FANCL: variants seen among roughly 807,000 people sequenced by gnomAD.
The protein encoded by FANCL is E3 ubiquitin-protein ligase FANCL.
In FANCL, 69 loss-of-function variants were observed where a neutral mutation model predicts 59.4. That is an observed-to-expected ratio of 1.16 (90% CI 0.96 to 1.42). The LOEUF (loss-of-function observed/expected upper bound fraction) is 1.42. FANCL is among the 40% of genes most tolerant of loss of function. The pLI is 0.00. For missense variants in FANCL, 519 were observed against 447.2 expected (o/e 1.16, Z -1.45); for synonymous variants, 180 against 147.1 (o/e 1.22, Z -1.62).
intron 5 of FANCL, among the ~76,000 whole-genome samples, chr2:58,206,833 A>G (rs1690635272): frequency 6.6e-6 from 1 of 152,204 alleles, no homozygotes; most frequent in Non-Finnish European, 1.5e-5. Context: ...GCCATTTAAA[A>G]TCAAGGTACA....
chr2:58,234,712 GA>G (rs1160859578), intron 1 of FANCL, among the ~76,000 whole-genome samples: 2 of 151,780 alleles, frequency 1.3e-5, no homozygotes, highest in African/African-American at 4.8e-5. Context: ...TTCAAAATAA[GA>G]AAAAAGTCCA....
chr2:58,165,943 A>T, intron 7 of FANCL, 69 bp from the exon 8 acceptor site: 1 of 1,498,882 alleles, frequency 6.7e-7, no homozygotes, highest in Non-Finnish European at 9.2e-7. Context: ...TTTTACTTAA[A>T]ATACACTCAA....
Position 58,222,036 on chromosome 2 carries a change from C to T in FANCL, c.280G>A (p.Ala94Thr), listed in dbSNP as rs759396046. 7 of 1,611,760 alleles carry T rather than the reference C, an allele frequency of 4.3e-6. No homozygotes were observed. Among genetic ancestry groups the T allele is most frequent in the Non-Finnish European group, 5.9e-6 (7 of 1,178,228 alleles). ...MMELKMLLEV[A>T]LKNRQELYAL... ...TACAGCTCTTGTCTATTCTTTAAGG[C>T]AACTTCCTGTTTAAAAGAAGAAAAC... Residue 94 changes from alanine (A) to threonine (T), a missense_variant, in exon 5 of 14, where the codon GCC (alanine) becomes ACC (threonine). Coordinates refer to ENST00000233741, the MANE Select transcript of FANCL (RefSeq NM_018062.4).
intron 10 of FANCL, 33 bp from the exon 11 acceptor site, chr2:58,162,980 A>C (rs772128300): frequency 1.2e-6 from 2 of 1,612,350 alleles, no homozygotes; most frequent in South Asian, 2.2e-5. Context: ...TATGCTGTGA[A>C]CTTTGTAAAA....
intron 3 of FANCL, among the ~76,000 whole-genome samples, chr2:58,228,347 A>T (rs976568981): frequency 4.6e-5 from 7 of 152,258 alleles, no homozygotes; most frequent in African/African-American, 1.7e-4. Context: ...CATATGATTC[A>T]CATCTTAACA....
intron 3 of FANCL, among the ~76,000 whole-genome samples, chr2:58,227,684 A>G (rs1357171391): frequency 2.6e-5 from 4 of 152,002 alleles, no homozygotes; most frequent in Admixed American, 2.0e-4. Flanking sequence ...TGTGCCTGCT[A>G]GGGTCTCGGG....
At chr2:58,166,447 A>G (rs1175825189) in intron 7 of FANCL, among the ~76,000 whole-genome samples, 1 of 152,232 alleles carries the variant, frequency 6.6e-6, no homozygotes, top group African/African-American at 2.4e-5. Context: ...TTTAACTTTT[A>G]GCCAATCTCT....
chr2:58,227,156 T>C (rs976366552), intron 3 of FANCL, among the ~76,000 whole-genome samples: 6 of 152,130 alleles, frequency 3.9e-5, no homozygotes, highest in African/African-American at 1.4e-4. Flanking sequence ...TAGGGGAGCA[T>C]ACAGACGGGC....
At chr2:58,232,381 A>C (rs1356547050) in intron 1 of FANCL, among the ~76,000 whole-genome samples, 1 of 152,092 alleles carries the variant, frequency 6.6e-6, no homozygotes. Flanking sequence ...AGTCACTCAC[A>C]AACACAAGAA....
At chr2:58,202,351 G>T (rs1690127151) in intron 6 of FANCL, among the ~76,000 whole-genome samples, 1 of 141,164 alleles carries the variant, frequency 7.1e-6, no homozygotes, top group Non-Finnish European at 1.5e-5. Flanking sequence ...CTACTTATTT[G>T]TCCAAATTCA....
chr2:58,220,451 G>C (rs1416847132), intron 5 of FANCL, among the ~76,000 whole-genome samples: 1 of 152,148 alleles, frequency 6.6e-6, no homozygotes, highest in African/African-American at 2.4e-5. Context: ...AGCCTTTTAA[G>C]GAATATAAAG....
chr2:58,174,137 C>G (rs1220936541), intron 7 of FANCL, among the ~76,000 whole-genome samples: 1 of 152,170 alleles, frequency 6.6e-6, no homozygotes, highest in Non-Finnish European at 1.5e-5. Flanking sequence ...ATTCATAAAA[C>G]AAGTCCTGAG....
At chr2:58,175,888 T>C (rs1000516252) in intron 7 of FANCL, among the ~76,000 whole-genome samples, 5 of 151,810 alleles carry the variant, frequency 3.3e-5, no homozygotes, top group East Asian at 1.9e-4. Flanking sequence ...AAAACCCCAT[T>C]GTCTCAGCCC....
Position 58,229,796 on chromosome 2 carries a change from C to A in FANCL, c.216+18G>T. The A allele has an allele frequency of 1.9e-6, 3 of 1,581,120 alleles. No homozygotes were observed. Among genetic ancestry groups the A allele is most frequent in the Non-Finnish European group, 1.7e-6 (2 of 1,150,254 alleles). ...TCTTATCTTCACTGAAAACATAAAC[C>A]TTTTAAAAAGGACTTACCTGTTGTA... On this transcript the variant is annotated intron_variant, in intron 3 of 13. Coordinates refer to ENST00000233741, the MANE Select transcript of FANCL (RefSeq NM_018062.4).
At chr2:58,167,516 A>C (rs946513106) in intron 7 of FANCL, among the ~76,000 whole-genome samples, 2 of 152,206 alleles carry the variant, frequency 1.3e-5, no homozygotes, top group Non-Finnish European at 2.9e-5. Flanking sequence ...GAGTTATAAA[A>C]TATTTTCACA....
intron 7 of FANCL, among the ~76,000 whole-genome samples, chr2:58,192,234 A>G (rs932646973): frequency 3.3e-5 from 5 of 151,970 alleles, no homozygotes; most frequent in African/African-American, 1.2e-4. Flanking sequence ...ACAGATCTCA[A>G]ATCTTCTACA....
intron 7 of FANCL, among the ~76,000 whole-genome samples, chr2:58,166,880 C>T (rs747849105): frequency 1.3e-5 from 2 of 152,200 alleles, no homozygotes; most frequent in Non-Finnish European, 2.9e-5. Context: ...CTCAGTTCCA[C>T]TGTGCTGGAT....
chr2:58,221,883 A>T, intron 5 of FANCL, 59 bp downstream of exon 5: 1 of 1,213,778 alleles, frequency 8.2e-7, no homozygotes, highest in Non-Finnish European at 1.2e-6. Context: ...AACTAGAAAT[A>T]CATTAAGTTA....
intron 7 of FANCL, among the ~76,000 whole-genome samples, chr2:58,167,251 T>C (rs1172077386): frequency 1.3e-5 from 2 of 152,198 alleles, no homozygotes; most frequent in East Asian, 3.8e-4. Context: ...TAGAGCCTAA[T>C]ACCCGAAAAA....
Sources: gnomAD v4.1 joint callset for allele counts (sites outside exome capture counted in the v4.1 genomes callset) on GRCh38, gnomAD v4.1.1 for gene constraint, MANE v1.5 for transcripts, NCBI Gene and HGNC (gene_info 2026-07-23, HGNC 2026-07-21) for gene names.